Variants in VMP1 observed in about 807,000 individuals in gnomAD.
The protein encoded by VMP1 is vacuole membrane protein 1.
Under a neutral mutation model 56.0 loss-of-function variants are expected in VMP1, and 11 were observed. The observed-to-expected ratio is 0.20, with a 90% CI of 0.12 to 0.32. VMP1 has a LOEUF of 0.32. Ranked by LOEUF, VMP1 falls within the 10% of genes least tolerant of loss-of-function variation. The pLI is 1.00. For missense variants in VMP1, 296 were observed against 490.3 expected (o/e 0.60, Z 3.74); for synonymous variants, 149 against 165.0 (o/e 0.90, Z 0.74).
intron 7 of VMP1, among the ~76,000 whole-genome samples, chr17:59,792,276 A>C (rs2037258682): frequency 6.6e-6 from 1 of 152,130 alleles, no homozygotes. Flanking sequence ...AGTCTGTCTC[A>C]AAATCAAAAA....
intron 7 of VMP1, among the ~76,000 whole-genome samples, chr17:59,801,863 A>T (rs374790848): frequency 1.2e-4 from 18 of 152,150 alleles, no homozygotes; most frequent in African/African-American, 7.2e-5. Flanking sequence ...AGCCTGGGTA[A>T]CAGGAGCTAA....
At chr17:59,799,330 A>G (rs1222173551) in intron 7 of VMP1, among the ~76,000 whole-genome samples, 1 of 152,150 alleles carries the variant, frequency 6.6e-6, no homozygotes, top group Non-Finnish European at 1.5e-5. Flanking sequence ...AATTTCTAAT[A>G]TATATAGAAA....
intron 1 of VMP1, among the ~76,000 whole-genome samples, chr17:59,716,639 T>C (rs2034163360): frequency 6.6e-6 from 1 of 152,224 alleles, no homozygotes; most frequent in Non-Finnish European, 1.5e-5. Context: ...CAGTTTCTCA[T>C]TTGCTAAAAG....
At chr17:59,804,160 AAAAC>A (rs2037767529) in intron 7 of VMP1, among the ~76,000 whole-genome samples, 1 of 152,142 alleles carries the variant, frequency 6.6e-6, no homozygotes, top group African/African-American at 2.4e-5. Flanking sequence ...TGTTTTTAGA[AAAAC>A]AAAGAACTTT....
At chr17:59,715,509 C>T (rs2034118228) in intron 1 of VMP1, among the ~76,000 whole-genome samples, 1 of 152,178 alleles carries the variant, frequency 6.6e-6, no homozygotes, top group African/African-American at 2.4e-5. Flanking sequence ...ATGATCCAAT[C>T]ACCTCCCTCC....
chr17:59,732,601 AC>A (rs1262973255), intron 2 of VMP1, among the ~76,000 whole-genome samples: 1 of 152,118 alleles, frequency 6.6e-6, no homozygotes, highest in Non-Finnish European at 1.5e-5. Context: ...CACTGATCTG[AC>A]TTTTGGGTTA....
intron 7 of VMP1, among the ~76,000 whole-genome samples, chr17:59,777,771 G>A (rs2036673880): frequency 6.6e-6 from 1 of 152,006 alleles, no homozygotes; most frequent in South Asian, 2.1e-4. Flanking sequence ...CCAAGATCAT[G>A]CCACTGCACT....
chr17:59,836,268 C>T (rs144292123), intron 10 of VMP1, among the ~76,000 whole-genome samples: 15 of 151,110 alleles, frequency 9.9e-5, no homozygotes, highest in African/African-American at 2.4e-4. Context: ...TCTCTGTCAC[C>T]GAGGCTGGAG....
At chr17:59,775,602 G>A (rs1373574391) in intron 7 of VMP1, among the ~76,000 whole-genome samples, 4 of 152,150 alleles carry the variant, frequency 2.6e-5, no homozygotes, top group Non-Finnish European at 5.9e-5. Context: ...GATTATAGGC[G>A]TGAGCCACCA....
At chr17:59,778,747 G>T (rs2036718727) in intron 7 of VMP1, among the ~76,000 whole-genome samples, 1 of 152,120 alleles carries the variant, frequency 6.6e-6, no homozygotes, top group Non-Finnish European at 1.5e-5. Context: ...TCAATTTCTT[G>T]CCTAGGCAAT....
At chr17:59,831,307 G>A (rs1474628994) in intron 10 of VMP1, among the ~76,000 whole-genome samples, 1 of 152,096 alleles carries the variant, frequency 6.6e-6, no homozygotes, top group Non-Finnish European at 1.5e-5. Flanking sequence ...GAATAGCTAG[G>A]ACTACAGGCA....
rs377371983 is a variant in VMP1, at chr17:59,832,809, C to G, written c.975-5486C>G. 3.2e-4 allele frequency among the ~76,000 whole-genome samples: 45 copies of G among 141,106 alleles called. No individual in the cohort carries two copies. The South Asian group carries it at 9.8e-3, about 31-fold the overall frequency. 92.6% of individuals were successfully genotyped at this position (141,106 alleles called of 152,430 possible). On this transcript the variant is annotated intron_variant, in intron 10 of 11. Transcript: ENST00000262291. ...TATTTTTAGTAGAGACAGGGTTTCA[C>G]CATGTTGGCTAGGCTGGTCTCGAAC...
intron 7 of VMP1, among the ~76,000 whole-genome samples, chr17:59,807,123 C>T (rs1284738703): frequency 6.6e-6 from 1 of 151,534 alleles, no homozygotes; most frequent in Non-Finnish European, 1.5e-5. Flanking sequence ...TATTTTTCAA[C>T]TAGTTTGCTT....
intron 7 of VMP1, among the ~76,000 whole-genome samples, chr17:59,774,386 C>T (rs1488631261): frequency 6.6e-6 from 1 of 150,952 alleles, no homozygotes; most frequent in Admixed American, 6.7e-5. Flanking sequence ...CCACTGTACT[C>T]TGGCCTAAGC....
chr17:59,746,209 C>T (rs1038656113), intron 5 of VMP1, among the ~76,000 whole-genome samples: 4 of 152,170 alleles, frequency 2.6e-5, no homozygotes, highest in Non-Finnish European at 4.4e-5. Flanking sequence ...CTCTCTCTGA[C>T]ACCCAGGCTG....
chr17:59,758,860 T>A (rs1162270675), intron 5 of VMP1, among the ~76,000 whole-genome samples: 1 of 151,392 alleles, frequency 6.6e-6, no homozygotes, highest in East Asian at 2.0e-4. Flanking sequence ...TTTGAGAGAC[T>A]GAGGTGGGTA....
intron 7 of VMP1, among the ~76,000 whole-genome samples, chr17:59,789,290 G>A (rs2037131011): frequency 6.6e-6 from 1 of 150,890 alleles, no homozygotes; most frequent in Non-Finnish European, 1.5e-5. Context: ...GGGCGCAGTG[G>A]TTTACGCCTA....
chr17:59,782,967 A>C (rs749067145), intron 7 of VMP1, among the ~76,000 whole-genome samples: 3 of 152,142 alleles, frequency 2.0e-5, no homozygotes, highest in Non-Finnish European at 2.9e-5. Flanking sequence ...CGCCCAAGGC[A>C]GGCGGATCAC....
chr17:59,771,053 A>G (rs1292052272), intron 6 of VMP1, among the ~76,000 whole-genome samples: 2 of 151,710 alleles, frequency 1.3e-5, no homozygotes, highest in Non-Finnish European at 2.9e-5. Context: ...ACGAGATACA[A>G]TGTCTGTTTG....
Sources: gnomAD v4.1 joint callset for allele counts (sites outside exome capture counted in the v4.1 genomes callset) on GRCh38, gnomAD v4.1.1 for gene constraint, MANE v1.5 for transcripts, NCBI Gene and HGNC (gene_info 2026-07-23, HGNC 2026-07-21) for gene names.